NRK: variants seen among roughly 807,000 people sequenced by gnomAD.
NRK encodes the protein nik-related protein kinase.
In NRK, 67 loss-of-function variants were observed where a neutral mutation model predicts 125.2. That is an observed-to-expected ratio of 0.54 (90% confidence interval 0.44 to 0.66). The LOEUF (loss-of-function observed/expected upper bound fraction) is 0.66. Ranked by LOEUF, NRK falls within the 30% of genes least tolerant of loss-of-function variation. NRK has a pLI of 0.00. For synonymous variants in NRK, 458 were observed against 429.0 expected (o/e 1.07, Z -0.84); for missense variants, 1,224 against 1,192.9 (o/e 1.03, Z -0.38).
chrX:105,846,813 A>G (rs2039408237), intron 2 of NRK, among the ~76,000 whole-genome samples: 1 of 112,353 alleles, frequency 8.9e-6, no homozygotes, highest in Non-Finnish European at 1.9e-5. Context: ...AAAATAAATA[A>G]GTCTTAGATT....
At chrX:105,869,462 A>C (rs1207455269) in intron 2 of NRK, among the ~76,000 whole-genome samples, 5 of 110,240 alleles carry the variant, frequency 4.5e-5, no homozygotes, top group African/African-American at 1.6e-4. Context: ...TTTCTCTTCT[A>C]TTCTTTCCTT....
chrX:105,935,228 T>C lies in NRK; in HGVS notation c.3558T>C (p.Asn1186=). 1.7e-6 allele frequency: 2 copies of C among 1,193,334 alleles called. No individual in the cohort carries two copies. Among genetic ancestry groups the C allele is most frequent in the Non-Finnish European group, 2.3e-6 (2 of 879,026 alleles). The change falls in exon 21 of 29, where the codon AAT becomes AAC. Residue 1186 remains asparagine (N), a synonymous_variant. Transcript: ENST00000243300. ...CACCTAAGCAACCCTCTGAAGTCAA[T>C]GTTAACCCACTCTATGTCTCTCCTG... is the stretch of plus-strand genomic sequence containing the variant. ...EESPKQPSEV[N]VNPLYVSPAC... is the part of the protein sequence containing the mutation.
chrX:105,929,413 TAA>T (rs1182347428), intron 19 of NRK, among the ~76,000 whole-genome samples: 2 of 111,455 alleles, frequency 1.8e-5, no homozygotes, highest in Non-Finnish European at 3.8e-5. Flanking sequence ...AGGCAACATA[TAA>T]TTGGGTATTT....
intron 2 of NRK, among the ~76,000 whole-genome samples, chrX:105,859,753 A>G (rs753065143): frequency 6.3e-5 from 7 of 111,904 alleles, no homozygotes; most frequent in Admixed American, 9.5e-5. Flanking sequence ...CCACACATAA[A>G]TAGAATTCTT....
chrX:105,835,711 T>C (rs2039256097), intron 2 of NRK, among the ~76,000 whole-genome samples: 1 of 109,171 alleles, frequency 9.2e-6, no homozygotes, highest in Non-Finnish European at 1.9e-5. Context: ...GCCTTTCCCC[T>C]AGGGCTTAAG....
chrX:105,824,392 A>C (rs1302223993), intron 1 of NRK, among the ~76,000 whole-genome samples: 1 of 110,814 alleles, frequency 9.0e-6, no homozygotes, highest in Non-Finnish European at 1.9e-5. Flanking sequence ...TATAAAACCA[A>C]GGAATAAAAT....
intron 2 of NRK, among the ~76,000 whole-genome samples, chrX:105,866,835 GTGT>G (rs927170077): frequency 1.8e-5 from 2 of 111,459 alleles, no homozygotes; most frequent in African/African-American, 3.2e-5. Context: ...TTTTTAAAAA[GTGT>G]TGTTGAGCAA....
chrX:105,907,222 G>C (rs2040232563), intron 11 of NRK: 1 of 110,931 alleles, frequency 9.0e-6, no homozygotes, highest in African/African-American at 3.3e-5. Flanking sequence ...CAGCCCGGGT[G>C]ACAGAACAAG....
intron 2 of NRK, among the ~76,000 whole-genome samples, chrX:105,869,141 G>A (rs2039709825): frequency 9.0e-6 from 1 of 110,993 alleles, no homozygotes. Flanking sequence ...AGGGTGGAAT[G>A]TTGAGGAAGG....
At chrX:105,940,060 C>G in intron 23 of NRK, 28 bp downstream of exon 23, 1 of 1,069,016 alleles carries the variant, frequency 9.4e-7, no homozygotes, top group Non-Finnish European at 1.3e-6. Context: ...TTTACTACAG[C>G]TATATAAATT....
chrX:105,915,810 G>T lies in NRK; in HGVS notation c.2417+13G>T. On this transcript the variant is annotated intron_variant, in intron 15 of 28. Coordinates refer to ENST00000243300, the MANE Select transcript of NRK (RefSeq NM_198465.4). ...AGTTCTCTTCAAGGTATGTGTCTTT[G>T]ATTTCTATATTAAAATTATTCATAA... The T allele has an allele frequency of 1.1e-6, 1 of 931,107 alleles. No individual in the cohort carries two copies. The highest frequency in any genetic ancestry group is 3.1e-5 in the East Asian group (1 of 32,074). 76.7% of individuals were successfully genotyped at this position (931,107 alleles called of 1,213,427 possible). A position where few individuals can be genotyped will look rare whatever the true frequency, so the allele number is the denominator to read the frequency against.
At chrX:105,858,951 C>T (rs1294961257) in intron 2 of NRK, among the ~76,000 whole-genome samples, 1 of 111,022 alleles carries the variant, frequency 9.0e-6, no homozygotes, top group Non-Finnish European at 1.9e-5. Context: ...AGGGTTTTTT[C>T]ACTTTCTTTA....
In NRK at chrX:105,923,454, AATT is replaced by A. The variant is rs1286055034; in HGVS notation, c.2953_2955del (p.Tyr985del). 2 of 1,139,354 alleles carry A rather than the reference AATT, an allele frequency of 1.8e-6. No homozygotes were observed. The highest frequency in any genetic ancestry group is 2.3e-6 in the Non-Finnish European group (2 of 855,430). The allele number at this position is 1,139,354 out of a possible 1,213,427, so 93.9% of individuals were successfully genotyped here. A position where few individuals can be genotyped will look rare whatever the true frequency, so the allele number is the denominator to read the frequency against. ...TAAGTTTGTTGATGATGTAAATAAT[AATT>A]ATTATGAGGCGCCTAGTTGTCCAAG... On this transcript the variant is annotated inframe_deletion, in exon 18 of 29. Transcript: ENST00000243300.
intron 4 of NRK, among the ~76,000 whole-genome samples, chrX:105,887,621 T>C (rs934410098): frequency 9.8e-5 from 11 of 112,062 alleles, no homozygotes; most frequent in African/African-American, 1.9e-4. Context: ...CATCCCTCAA[T>C]TGATGAATGG....
rs1290484462 is a variant in NRK at position 105,906,429 on chromosome X, C to T, written c.861C>T (p.His287=). The T allele has an allele frequency of 8.6e-7, 1 of 1,160,643 alleles. No individual in the cohort carries two copies. The highest frequency in any genetic ancestry group is 1.8e-5 in the African/African-American group (1 of 56,614). Residue 287 remains histidine (H), a synonymous_variant, in exon 11 of 29, where the codon CAC becomes CAT. Coordinates refer to ENST00000243300, the MANE Select transcript of NRK (RefSeq NM_198465.4). The part of the protein sequence containing the change: ...VKSSGWSRKF[H]NFMEKCTIKN... ...CATTTTTTAGGTCCCGTAAGTTCCACAATTTCATGGAAAAGTGTACGATAA... is the reference window on the plus strand; with the variant it reads ...CATTTTTTAGGTCCCGTAAGTTCCATAATTTCATGGAAAAGTGTACGATAA...
chrX:105,921,317 T>C (rs745487510), intron 16 of NRK, among the ~76,000 whole-genome samples: 35 of 94,567 alleles, frequency 3.7e-4, no homozygotes, highest in African/African-American at 1.3e-3. Context: ...AATATCACAC[T>C]CTGGGGACTG....
chrX:105,866,027 A>C (rs1338445345), intron 2 of NRK, among the ~76,000 whole-genome samples: 4 of 109,820 alleles, frequency 3.6e-5, no homozygotes, highest in Non-Finnish European at 7.6e-5. Flanking sequence ...AAAAAAAAAA[A>C]ACATAAAAGT....
intron 27 of NRK, 60 bp downstream of exon 27, chrX:105,949,794 G>T (rs1418714753): frequency 1.9e-5 from 15 of 774,799 alleles, no homozygotes; most frequent in Non-Finnish European, 2.6e-5. Context: ...GGGTAAAAAA[G>T]TGTCCTAAGA....
In NRK at chrX:105,924,990, T is replaced by A. The variant is rs2040504805; in HGVS notation, c.3271T>A (p.Leu1091Met). ...TTGCTCAGAGACAGATGGTCCAGGA[T>A]TGAAGAGACCTGCGTCTCAGGACTT... Reference protein sequence around the residue: ...ENCSETDGPGLKRPASQDFEY... With the variant: ...ENCSETDGPGMKRPASQDFEY... The change falls in exon 19 of 29, where the codon TTG (leucine) becomes ATG (methionine). Residue 1091 changes from leucine to methionine, a missense_variant. Transcript: ENST00000243300. 2 of 1,208,876 alleles carry A rather than the reference T, an allele frequency of 1.7e-6. No individual in the cohort carries two copies. Among genetic ancestry groups the A allele is most frequent in the Non-Finnish European group, 2.2e-6 (2 of 894,270 alleles).
Sources: allele counts gnomAD v4.1 joint callset (sites outside exome capture counted in the v4.1 genomes callset), GRCh38; gene constraint gnomAD v4.1.1; transcripts MANE v1.5; gene names NCBI Gene and HGNC (gene_info 2026-07-23, HGNC 2026-07-21).